The following SLC33A1 variants were observed in gnomAD, a reference collection of about 807,000 sequenced individuals.
The protein encoded by SLC33A1 is acetyl-coenzyme A transporter 1.
Under a neutral mutation model 50.0 loss-of-function variants are expected in SLC33A1, and 20 were observed. That is an observed-to-expected ratio of 0.40 (90% CI 0.28 to 0.58). The LOEUF (loss-of-function observed/expected upper bound fraction) is 0.58. SLC33A1 is among the 20% of genes least tolerant of loss of function. SLC33A1 has a pLI of 0.44. For missense variants in SLC33A1, 476 were observed against 657.0 expected (o/e 0.72, Z 3.01); for synonymous variants, 265 against 251.8 (o/e 1.05, Z -0.50).
At chr3:155,835,586 T>C (rs1042840463) in intron 2 of SLC33A1, among the ~76,000 whole-genome samples, 5 of 152,170 alleles carry the variant, frequency 3.3e-5, no homozygotes, top group African/African-American at 9.7e-5. Context: ...TTCTCTTTTT[T>C]GTTAGCATGT....
intron 5 of SLC33A1, 81 bp from the exon 6 acceptor site, chr3:155,828,458 A>G: frequency 1.3e-6 from 1 of 798,024 alleles, no homozygotes; most frequent in Non-Finnish European, 2.1e-6. Flanking sequence ...TACTTTATAA[A>G]GAATAAAAAT....
At chr3:155,852,287 C>A (rs358703) in intron 1 of SLC33A1, among the ~76,000 whole-genome samples, 68,596 of 151,492 alleles carry the variant, frequency 0.45, 18,521 homozygotes, top group Non-Finnish European at 0.59. Flanking sequence ...GTGAGACAGC[C>A]CCCCCGACCC....
At chr3:155,830,581 C>G (rs77517956) in intron 4 of SLC33A1, among the ~76,000 whole-genome samples, 2 of 151,956 alleles carry the variant, frequency 1.3e-5, no homozygotes, top group East Asian at 3.9e-4. Context: ...AATTCTACCA[C>G]AAGTAGTCAA....
rs541147025 is a variant in SLC33A1 at position 155,824,983 on chromosome 3, C to G, written c.*3227G>C. ...GGGCACGGTGGCTTACACCTGTAAT[C>G]CCAGCATTTTGAGAGGTCAAGGCTG... is the stretch of plus-strand genomic sequence containing the variant. On this transcript the variant is annotated 3_prime_UTR_variant, in exon 6 of 6. Coordinates refer to ENST00000643144, the MANE Select transcript of SLC33A1 (RefSeq NM_004733.4). 14 of 152,200 alleles carry G rather than the reference C, an allele frequency of 9.2e-5. No homozygotes were observed. In the East Asian group the frequency reaches 2.5e-3, roughly 27 times the overall value. The allele number at this position is 152,200 out of a possible 1,614,324, so 9.4% of individuals were successfully genotyped here. A position where few individuals can be genotyped will look rare whatever the true frequency, so the allele number is the denominator to read the frequency against.
In SLC33A1 at chr3:155,822,622, G is replaced by T. The variant is rs1752117358; in HGVS notation, c.*5588C>A. The T allele has an allele frequency of 1.3e-5, 2 of 149,012 alleles. No homozygotes were observed. The highest frequency in any genetic ancestry group is 1.5e-5 in the Non-Finnish European group (1 of 67,366). 9.2% of individuals were successfully genotyped at this position (149,012 alleles called of 1,614,324 possible). The stretch of plus-strand genomic sequence containing the variant: ...AATTTAAGATAACTCCCTAAGGATT[G>T]TACCTGTACCTTGTGCATTTCAGTC... On this transcript the variant is annotated 3_prime_UTR_variant, in exon 6 of 6. Coordinates refer to ENST00000643144, the MANE Select transcript of SLC33A1 (RefSeq NM_004733.4).
rs759407989 is a variant in SLC33A1 at position 155,853,606 on chromosome 3, G to C, written c.392C>G (p.Ala131Gly). ...LKLLWAPLVDAVYVKNFGRRK... is the reference protein window; with the variant it reads ...LKLLWAPLVDGVYVKNFGRRK... ...ACGACCGAAGTTCTTAACGTAGACC[G>C]CATCAACCAACGGGGCCCAGAGTAA... Residue 131 changes from alanine to glycine, a missense_variant, in exon 1 of 6, where the codon GCG becomes GGG. Transcript: ENST00000643144. The C allele has an allele frequency of 1.2e-6, 2 of 1,614,172 alleles. No individual in the cohort carries two copies. Among genetic ancestry groups the C allele is most frequent in the Non-Finnish European group, 1.7e-6 (2 of 1,180,044 alleles).
Position 155,826,602 on chromosome 3 carries a change from A to G in SLC33A1, c.*1608T>C, listed in dbSNP as rs1160593570. On this transcript the variant is annotated 3_prime_UTR_variant, in exon 6 of 6. Transcript: ENST00000643144. ...ATAATGGACAACCATGTGACAAAGT[A>G]CTGTAGTGTATGGTTTGGTGTAGCC... The G allele has an allele frequency of 6.6e-6, 1 of 152,136 alleles. No homozygotes were observed. Among genetic ancestry groups the G allele is most frequent in the East Asian group, 1.9e-4 (1 of 5,198 alleles). 9.4% of individuals were successfully genotyped at this position (152,136 alleles called of 1,614,324 possible). A position where few individuals can be genotyped will look rare whatever the true frequency, so the allele number is the denominator to read the frequency against.
chr3:155,829,687 C>T lies in SLC33A1; in HGVS notation c.1482+1G>A, dbSNP rs778818014. On this transcript the variant is annotated splice_donor_variant, in intron 5 of 5. Coordinates refer to ENST00000643144, the MANE Select transcript of SLC33A1 (RefSeq NM_004733.4). LOFTEE classifies it high-confidence loss of function. Reference sequence around the variant, plus strand: ...GTTATCTAAAATTAAAACATACTTACCTCAACAGCATCAGGTGTTCGACAA... The same window carrying T: ...GTTATCTAAAATTAAAACATACTTATCTCAACAGCATCAGGTGTTCGACAA... The T allele has an allele frequency of 6.2e-7, 1 of 1,602,628 alleles. No individual in the cohort carries two copies.
intron 1 of SLC33A1, among the ~76,000 whole-genome samples, chr3:155,846,624 T>G (rs556010257): frequency 1.3e-5 from 2 of 152,172 alleles, no homozygotes; most frequent in African/African-American, 4.8e-5. Context: ...AGCTAATTTT[T>G]GTATTTTTAG....
intron 4 of SLC33A1, among the ~76,000 whole-genome samples, chr3:155,830,406 A>AT (rs1390493279): frequency 3.3e-5 from 5 of 151,516 alleles, no homozygotes; most frequent in Middle Eastern, 3.2e-3. Context: ...AAATAAATAA[A>AT]AAAAAAGATC....
In SLC33A1 at chr3:155,854,340, C is replaced by T. The variant is rs1131925; in HGVS notation, c.-343G>A. On this transcript the variant is annotated 5_prime_UTR_variant, in exon 1 of 6. Coordinates refer to ENST00000643144, the MANE Select transcript of SLC33A1 (RefSeq NM_004733.4). ...AGCTCCTACCTGCGGCGGGATCGAACGGCTGGTCTCCCGACCCAACACCTC... is the reference window on the plus strand; with the variant it reads ...AGCTCCTACCTGCGGCGGGATCGAATGGCTGGTCTCCCGACCCAACACCTC... 138,432 of 231,020 alleles carry T rather than the reference C, an allele frequency of 0.6. 42,286 individuals are homozygous for T. The highest frequency in any genetic ancestry group is 0.63 in the Non-Finnish European group (75,137 of 119,128). The allele number at this position is 231,020 out of a possible 1,614,324, so 14.3% of individuals were successfully genotyped here. A position where few individuals can be genotyped will look rare whatever the true frequency, so the allele number is the denominator to read the frequency against.
chr3:155,848,812 C>G (rs1158692824), intron 1 of SLC33A1, among the ~76,000 whole-genome samples: 2 of 152,206 alleles, frequency 1.3e-5, no homozygotes, highest in African/African-American at 4.8e-5. Flanking sequence ...CCCTCCAACT[C>G]AGATGACTCA....
chr3:155,845,807 T>G (rs944740740), intron 1 of SLC33A1, among the ~76,000 whole-genome samples: 2 of 152,212 alleles, frequency 1.3e-5, no homozygotes, highest in Non-Finnish European at 2.9e-5. Context: ...ACCAAAAACA[T>G]GGAAATATTT....
Position 155,853,330 on chromosome 3 carries a change from G to A in SLC33A1, c.668C>T (p.Ala223Val), listed in dbSNP as rs1293491769. 25 of 1,613,876 alleles carry A rather than the reference G, an allele frequency of 1.5e-5. No individual in the cohort carries two copies. Among genetic ancestry groups the A allele is most frequent in the Non-Finnish European group, 2.1e-5 (25 of 1,179,996 alleles). The change falls in exon 1 of 6, where the codon GCG becomes GTG. Residue 223 changes from alanine to valine, a missense_variant. Coordinates refer to ENST00000643144, the MANE Select transcript of SLC33A1 (RefSeq NM_004733.4). Reference protein sequence around the residue: ...ASTCNSVGQTAGYFLGNVLFL... With the variant: ...ASTCNSVGQTVGYFLGNVLFL... ...CAAAACATTGCCCAAAAAGTAACCC[G>A]CTGTTTGGCCCACCGAATTGCAAGT... is the stretch of plus-strand genomic sequence containing the variant.
intron 1 of SLC33A1, among the ~76,000 whole-genome samples, chr3:155,846,040 A>C (rs1471044961): frequency 6.6e-6 from 1 of 152,236 alleles, no homozygotes; most frequent in Non-Finnish European, 1.5e-5. Context: ...AAATATTCTG[A>C]AGTGGCTGCA....
chr3:155,840,030 A>G (rs1268440110), intron 2 of SLC33A1, among the ~76,000 whole-genome samples: 7 of 152,088 alleles, frequency 4.6e-5, no homozygotes, highest in South Asian at 2.1e-4. Context: ...ATATATAGGG[A>G]AAAAAGGGAG....
rs576719644 is a variant in SLC33A1, at chr3:155,824,877, A to T, written c.*3333T>A. On this transcript the variant is annotated 3_prime_UTR_variant, in exon 6 of 6. Coordinates refer to ENST00000643144, the MANE Select transcript of SLC33A1 (RefSeq NM_004733.4). ...TCGATTTCAAAGGTTTAATATTTTTAAAAAATTGAGAAATCTATTTAAGGT... is the reference window on the plus strand; with the variant it reads ...TCGATTTCAAAGGTTTAATATTTTTTAAAAATTGAGAAATCTATTTAAGGT... The T allele has an allele frequency of 9.2e-5, 14 of 152,322 alleles. No homozygotes were observed. Among genetic ancestry groups the T allele is most frequent in the African/African-American group, 2.6e-4 (11 of 41,570 alleles). The allele number at this position is 152,322 out of a possible 1,614,324, so 9.4% of individuals were successfully genotyped here.
intron 1 of SLC33A1, among the ~76,000 whole-genome samples, chr3:155,844,443 ATATATATATATATATTTTTTTTTTTTTT>A (rs1278760419): frequency 1.2e-3 from 12 of 10,034 alleles, no homozygotes; most frequent in African/African-American, 2.4e-3. Flanking sequence ...ATATATATAT[ATATATATATATATATTTTTTTTTTTTTT>A]TTTTTTTTTT....
chr3:155,840,546 G>C (rs564873632), intron 2 of SLC33A1, among the ~76,000 whole-genome samples: 1 of 151,832 alleles, frequency 6.6e-6, no homozygotes, highest in African/African-American at 2.4e-5. Context: ...TGCCAGGCGC[G>C]GTGGCTCATG....
Sources: gnomAD v4.1 joint callset for allele counts (sites outside exome capture counted in the v4.1 genomes callset) on GRCh38, gnomAD v4.1.1 for gene constraint, MANE v1.5 for transcripts, NCBI Gene and HGNC (gene_info 2026-07-23, HGNC 2026-07-21) for gene names.